The following CACNA2D3 variants were observed in gnomAD, a reference collection of about 807,000 sequenced individuals.
The protein encoded by CACNA2D3 is calcium voltage-gated channel auxiliary subunit alpha2delta 3.
Under a neutral mutation model 160.6 loss-of-function variants are expected in CACNA2D3, and 60 were observed. The observed-to-expected ratio is 0.37, with a 90% CI of 0.30 to 0.46. The LOEUF (loss-of-function observed/expected upper bound fraction) is 0.46, where lower values mean the gene tolerates loss of function less well. Ranked by LOEUF, CACNA2D3 falls within the 20% of genes least tolerant of loss-of-function variation. The pLI, the probability that CACNA2D3 is intolerant of heterozygous loss-of-function variation, is 1.00. For missense variants in CACNA2D3, 1,205 were observed against 1,365.0 expected, an observed-to-expected ratio of 0.88 and a Z score of 1.85; for synonymous variants, 558 against 492.9, an observed-to-expected ratio of 1.13 and a Z score of -1.75.
chr3:54,572,510 G>GT (rs949582406), intron 8 of CACNA2D3, among the ~76,000 whole-genome samples: 6 of 152,204 alleles, frequency 3.9e-5, no homozygotes, highest in Admixed American at 1.3e-4. Context: ...GACTTTTTGA[G>GT]TTACACAGCC....
intron 11 of CACNA2D3, among the ~76,000 whole-genome samples, chr3:54,734,751 A>AT (rs1451571571): frequency 1.3e-5 from 2 of 152,176 alleles, no homozygotes; most frequent in African/African-American, 2.4e-5. Context: ...AATGCCTGTT[A>AT]TTGGGGATAA....
intron 3 of CACNA2D3, among the ~76,000 whole-genome samples, chr3:54,383,202 T>G (rs752527143): frequency 1.2e-4 from 18 of 152,216 alleles, no homozygotes; most frequent in Non-Finnish European, 2.4e-4. Flanking sequence ...TTTGTTTACC[T>G]TTATAAGAGT....
At chr3:54,284,353 T>C (rs1031467295) in intron 2 of CACNA2D3, among the ~76,000 whole-genome samples, 34 of 151,606 alleles carry the variant, frequency 2.2e-4, no homozygotes, top group Admixed American at 1.6e-3. Flanking sequence ...GTTAATCTTA[T>C]AGTTTTATAG....
rs1702033709 is a variant in CACNA2D3 at position 54,961,706 on chromosome 3, T to TTCTGTCCCTGA, written c.2450-6744_2450-6743insTCTGTCCCTGA. Among the ~76,000 whole-genome samples, 3 of 152,158 alleles carry TTCTGTCCCTGA rather than the reference T, an allele frequency of 2.0e-5. No individual in the cohort carries two copies. The East Asian group carries it at 5.8e-4, about 29-fold the overall frequency. On this transcript the variant is annotated intron_variant, in intron 27 of 37. Coordinates refer to ENST00000474759, the MANE Select transcript of CACNA2D3 (RefSeq NM_018398.3). Reference sequence around the variant, plus strand: ...ATGGCACCAGTATCATGGACAGCAGTCTTCTTGGGTTCTGTACCCTGACCT... The same window carrying TTCTGTCCCTGA: ...ATGGCACCAGTATCATGGACAGCAGTTCTGTCCCTGACTTCTTGGGTTCTGTACCCTGACCT...
chr3:54,561,437 A>G (rs1702323596), intron 5 of CACNA2D3, among the ~76,000 whole-genome samples: 1 of 152,170 alleles, frequency 6.6e-6, no homozygotes, highest in Non-Finnish European at 1.5e-5. Flanking sequence ...GTATCCTCAG[A>G]CTTTGCTGAA....
intron 25 of CACNA2D3, chr3:54,894,671 A>C: frequency 2.4e-5 from 12 of 504,496 alleles, no homozygotes; most frequent in South Asian, 1.8e-4. Flanking sequence ...CCCAGGGTAG[A>C]GAGTAGCAAT....
At chr3:54,777,321 C>T (rs1702443081) in intron 13 of CACNA2D3, among the ~76,000 whole-genome samples, 1 of 152,180 alleles carries the variant, frequency 6.6e-6, no homozygotes, top group African/African-American at 2.4e-5. Context: ...TGACCTTTCA[C>T]ACCCACTTAT....
intron 2 of CACNA2D3, among the ~76,000 whole-genome samples, chr3:54,148,967 A>C (rs1216798608): frequency 2.5e-5 from 3 of 120,684 alleles, no homozygotes; most frequent in Non-Finnish European, 5.2e-5. Context: ...ACAGAGCAAA[A>C]CTCCATCAAA....
chr3:54,456,539 A>C (rs1389368885), intron 4 of CACNA2D3, among the ~76,000 whole-genome samples: 2 of 151,894 alleles, frequency 1.3e-5, no homozygotes, highest in African/African-American at 4.8e-5. Context: ...CTCTGTATTC[A>C]TTAGGGATAT....
At position 54,822,811 on chromosome 3, in the gene CACNA2D3, CTTTCTTTCTTTCTTTCTTTCT is replaced by C. The variant is rs1559595750; in HGVS notation, c.1398+5965_1398+5985del. Reference sequence around the variant, plus strand: ...CTTTCCTTTCTTTCTTTCTTTCTTTCTTTCTTTCTTTCTTTCTTTCTTTTCTTTCTTTCTTTCTTTCTTTCT... The same window carrying C: ...CTTTCCTTTCTTTCTTTCTTTCTTTCTTTCTTTCTTTCTTTCTTTCTTTCT... On this transcript the variant is annotated intron_variant, in intron 14 of 37. Coordinates refer to ENST00000474759, the MANE Select transcript of CACNA2D3 (RefSeq NM_018398.3). Among the ~76,000 whole-genome samples, 64 of 108,408 alleles carry C rather than the reference CTTTCTTTCTTTCTTTCTTTCT, an allele frequency of 5.9e-4. 3 individuals are homozygous for C. Among genetic ancestry groups the C allele is most frequent in the East Asian group, 1.8e-3 (7 of 3,968 alleles). 71.1% of individuals were successfully genotyped at this position (108,408 alleles called of 152,430 possible).
intron 11 of CACNA2D3, among the ~76,000 whole-genome samples, chr3:54,693,337 T>C (rs1237984274): frequency 6.6e-6 from 1 of 152,196 alleles, no homozygotes; most frequent in Admixed American, 6.5e-5. Context: ...AGCTAAAATA[T>C]TCCAGCCACC....
At chr3:54,859,002 A>G (rs759307078) in intron 17 of CACNA2D3, among the ~76,000 whole-genome samples, 7 of 152,224 alleles carry the variant, frequency 4.6e-5, no homozygotes, top group Non-Finnish European at 7.3e-5. Flanking sequence ...CTGTTGGAAT[A>G]ACTGGTTATA....
intron 2 of CACNA2D3, among the ~76,000 whole-genome samples, chr3:54,152,074 A>G (rs1700162210): frequency 6.6e-6 from 1 of 152,226 alleles, no homozygotes; most frequent in African/African-American, 2.4e-5. Flanking sequence ...CCATTCCCAC[A>G]GGCTCTCCAG....
At chr3:54,575,842 A>G (rs1450132842) in intron 8 of CACNA2D3, among the ~76,000 whole-genome samples, 1 of 152,146 alleles carries the variant, frequency 6.6e-6, no homozygotes, top group Non-Finnish European at 1.5e-5. Context: ...ACAACTGAGG[A>G]GGAAAGTGCC....
intron 2 of CACNA2D3, among the ~76,000 whole-genome samples, chr3:54,283,420 T>C (rs541520893): frequency 8.5e-5 from 13 of 152,226 alleles, no homozygotes; most frequent in Non-Finnish European, 1.3e-4. Flanking sequence ...AAGTTGCATA[T>C]CTGCACTCTT....
Position 54,536,921 on chromosome 3 carries a change from G to C in CACNA2D3, c.545-25879G>C, listed in dbSNP as rs188915437. Among the ~76,000 whole-genome samples, 3 of 152,320 alleles carry C rather than the reference G, an allele frequency of 2.0e-5. No homozygotes were observed. The East Asian group carries it at 5.8e-4, about 29-fold the overall frequency. On this transcript the variant is annotated intron_variant, in intron 5 of 37. Coordinates refer to ENST00000474759, the MANE Select transcript of CACNA2D3 (RefSeq NM_018398.3). ...TCCCCTTTCCCACTTGTGAAAGGTG[G>C]CTGTCTCCACCTCACCTCGGTGGCG...
chr3:54,261,397 A>C (rs562540954), intron 2 of CACNA2D3, among the ~76,000 whole-genome samples: 3 of 152,140 alleles, frequency 2.0e-5, no homozygotes, highest in Non-Finnish European at 4.4e-5. Flanking sequence ...TGTGTTTACT[A>C]TCTTCTTCCT....
chr3:54,127,010 TCA>T (rs2107246443), intron 2 of CACNA2D3, among the ~76,000 whole-genome samples: 1 of 152,308 alleles, frequency 6.6e-6, no homozygotes, highest in South Asian at 2.1e-4. Context: ...GCTGTTAAAC[TCA>T]GTCTCCACAC....
intron 13 of CACNA2D3, among the ~76,000 whole-genome samples, chr3:54,813,454 C>T (rs769492496): frequency 6.6e-6 from 1 of 152,184 alleles, no homozygotes; most frequent in South Asian, 2.1e-4. Context: ...GACATCTATA[C>T]CAGGCATGTG....
Sources: gnomAD v4.1 joint callset for allele counts (sites outside exome capture counted in the v4.1 genomes callset) on GRCh38, gnomAD v4.1.1 for gene constraint, MANE v1.5 for transcripts, NCBI Gene and HGNC (gene_info 2026-07-23, HGNC 2026-07-21) for gene names.